The following FSTL4 variants were observed in gnomAD, a reference collection of about 807,000 sequenced individuals.
FSTL4 encodes follistatin like 4, also known as follistatin-related protein 4.
A neutral mutation model predicts 78.2 loss-of-function variants in FSTL4; 28 were observed. The ratio of observed to expected loss-of-function variants is 0.36; its 90% CI spans 0.27 to 0.49. The LOEUF is 0.49. Among genes scored for constraint, FSTL4 ranks in the 20% least tolerant of loss-of-function variants. The probability of loss-of-function intolerance (pLI) is 0.98; values close to 1 mark genes in which losing one functional copy is unlikely to be tolerated. For synonymous variants in FSTL4, 422 were observed against 440.5 expected, an observed-to-expected ratio of 0.96 and a Z score of 0.53; for missense variants, 922 against 1,084.9, an observed-to-expected ratio of 0.85 and a Z score of 2.11.
the FSTL4 span, among the ~76,000 whole-genome samples, chr5:133,820,718 TTCA>T: frequency 6.6e-6 from 1 of 152,200 alleles, no homozygotes; most frequent in Non-Finnish European, 1.5e-5. Flanking sequence ...GAATTTAGGC[TTCA>T]TGTTTCACTT....
the FSTL4 span, among the ~76,000 whole-genome samples, chr5:133,685,531 A>G: frequency 1.3e-5 from 2 of 152,244 alleles, no homozygotes; most frequent in Admixed American, 6.5e-5. Context: ...GCTTGGAGAC[A>G]GTGAAGTGCT....
chr5:133,348,586 G>A (rs893125680), intron 4 of FSTL4, among the ~76,000 whole-genome samples: 1 of 152,244 alleles, frequency 6.6e-6, no homozygotes, highest in African/African-American at 2.4e-5. Context: ...CAGGAGCTGA[G>A]GGGCAGAAAG....
At chr5:133,816,607 A>G in the FSTL4 span, among the ~76,000 whole-genome samples, 1 of 152,200 alleles carries the variant, frequency 6.6e-6, no homozygotes, top group African/African-American at 2.4e-5. Context: ...TAGAGTGTCT[A>G]AGCGAGCAAG....
intron 10 of FSTL4, among the ~76,000 whole-genome samples, chr5:133,224,725 G>C (rs564510609): frequency 6.6e-6 from 1 of 152,334 alleles, no homozygotes; most frequent in Non-Finnish European, 1.5e-5. Flanking sequence ...AGCACGCTTA[G>C]CACACCGATG....
chr5:133,711,283 A>C, the FSTL4 span, among the ~76,000 whole-genome samples: 1 of 152,204 alleles, frequency 6.6e-6, no homozygotes, highest in Admixed American at 6.5e-5. Flanking sequence ...AGTTTCTAAT[A>C]CACTGTGTGA....
At chr5:133,271,862 G>C (rs1034743951) in intron 6 of FSTL4, among the ~76,000 whole-genome samples, 4 of 152,224 alleles carry the variant, frequency 2.6e-5, no homozygotes, top group Non-Finnish European at 4.4e-5. Context: ...AAAGGCACCT[G>C]CACGGTGCTG....
the FSTL4 span, among the ~76,000 whole-genome samples, chr5:133,666,916 T>C: frequency 6.6e-6 from 1 of 152,278 alleles, no homozygotes; most frequent in African/African-American, 2.4e-5. Context: ...ATCTGAATTA[T>C]ATTTTAGTCT....
chr5:133,318,190 T>G (rs1476368349), intron 4 of FSTL4, among the ~76,000 whole-genome samples: 1 of 152,242 alleles, frequency 6.6e-6, no homozygotes, highest in East Asian at 1.9e-4. Flanking sequence ...CTTCATGCTC[T>G]GACAAGAACG....
At chr5:133,650,984 T>C in the FSTL4 span, among the ~76,000 whole-genome samples, 2 of 152,236 alleles carry the variant, frequency 1.3e-5, no homozygotes, top group Admixed American at 6.5e-5. Context: ...GAAAAGCATT[T>C]TATTTTTTGA....
At chr5:133,477,766 C>G (rs1757953158) in intron 3 of FSTL4, among the ~76,000 whole-genome samples, 5 of 151,810 alleles carry the variant, frequency 3.3e-5, no homozygotes, top group Admixed American at 3.3e-4. Flanking sequence ...CAAACTTTAT[C>G]TTCAAAACTC....
At chr5:133,629,000 G>A in the FSTL4 span, among the ~76,000 whole-genome samples, 8 of 136,784 alleles carry the variant, frequency 5.8e-5, no homozygotes, top group Non-Finnish European at 1.3e-4. Context: ...CAGAACTTCC[G>A]ATACTATGTT....
chr5:133,290,529 G>C (rs1004904001), intron 6 of FSTL4, among the ~76,000 whole-genome samples: 1 of 152,244 alleles, frequency 6.6e-6, no homozygotes, highest in Non-Finnish European at 1.5e-5. Flanking sequence ...CGGGCGACTG[G>C]GGCCCCAGGG....
the FSTL4 span, among the ~76,000 whole-genome samples, chr5:133,733,379 G>A: frequency 6.6e-6 from 1 of 152,174 alleles, no homozygotes; most frequent in Non-Finnish European, 1.5e-5. Flanking sequence ...GTTATACCTA[G>A]ACATTGGGTA....
intron 5 of FSTL4, among the ~76,000 whole-genome samples, chr5:133,315,328 A>G (rs967074677): frequency 1.2e-4 from 18 of 152,136 alleles, no homozygotes; most frequent in African/African-American, 4.3e-4. Flanking sequence ...GCAGCACTTG[A>G]CCTTAGGCAG....
At chr5:133,507,523 ATTTTT>A (rs35891659) in intron 3 of FSTL4, among the ~76,000 whole-genome samples, 2 of 136,176 alleles carry the variant, frequency 1.5e-5, no homozygotes. Flanking sequence ...ACTTGAAAGC[ATTTTT>A]TTTTTTTTTT....
intron 3 of FSTL4, among the ~76,000 whole-genome samples, chr5:133,445,157 C>T (rs1757236878): frequency 6.6e-6 from 1 of 152,268 alleles, no homozygotes; most frequent in Non-Finnish European, 1.5e-5. Context: ...AGCGAAAGAG[C>T]AAGTCTGCCT....
At chr5:133,260,410 T>C (rs10054244) in intron 6 of FSTL4, among the ~76,000 whole-genome samples, 25,572 of 152,240 alleles carry the variant, frequency 0.17, 5,570 homozygotes, top group African/African-American at 0.51. Context: ...CAGACCATTT[T>C]GAACGGTTTA....
the FSTL4 span, among the ~76,000 whole-genome samples, chr5:133,744,879 T>C: frequency 0.37 from 56,150 of 152,018 alleles, 10,690 homozygotes; most frequent in East Asian, 0.67. Flanking sequence ...CTGGATTGAA[T>C]GTATTGAAAA....
At chr5:133,448,468 G>A (rs544521099) in intron 3 of FSTL4, among the ~76,000 whole-genome samples, 2 of 152,300 alleles carry the variant, frequency 1.3e-5, no homozygotes, top group East Asian at 1.9e-4. Context: ...TTTTCAATGC[G>A]TTCCCTCAGA....
Sources: gnomAD v4.1 joint callset for allele counts (sites outside exome capture counted in the v4.1 genomes callset) on GRCh38, gnomAD v4.1.1 for gene constraint, MANE v1.5 for transcripts, NCBI Gene and HGNC (gene_info 2026-07-23, HGNC 2026-07-21) for gene names.